DPP8: variants seen among roughly 807,000 people sequenced by gnomAD.
The protein encoded by DPP8 is dipeptidyl peptidase 8.
Under a neutral mutation model 107.5 loss-of-function variants are expected in DPP8, and 31 were observed. The observed-to-expected ratio is 0.29, with a 90% CI of 0.22 to 0.39. DPP8 has a LOEUF of 0.39. Ranked by LOEUF, DPP8 falls within the 10% of genes least tolerant of loss-of-function variation. DPP8 has a pLI of 1.00. For missense variants in DPP8, 842 were observed against 1,076.1 expected (o/e 0.78, Z 3.04); for synonymous variants, 381 against 356.6 (o/e 1.07, Z -0.77).
intron 12 of DPP8, among the ~76,000 whole-genome samples, chr15:65,471,743 C>A (rs1326053341): frequency 6.6e-6 from 1 of 152,144 alleles, no homozygotes; most frequent in Non-Finnish European, 1.5e-5. Context: ...CGACACTGGC[C>A]TCCCAAAGTG....
chr15:65,462,744 TA>T (rs1371593231), intron 15 of DPP8, among the ~76,000 whole-genome samples: 10 of 152,142 alleles, frequency 6.6e-5, no homozygotes, highest in African/African-American at 1.9e-4. Context: ...CACGCCCAGC[TA>T]ATTTTTATAT....
chr15:65,452,487 T>C (rs2064059912), intron 17 of DPP8, among the ~76,000 whole-genome samples: 1 of 152,120 alleles, frequency 6.6e-6, no homozygotes, highest in Non-Finnish European at 1.5e-5. Context: ...AGTATAGAAT[T>C]TAAAACAATA....
At chr15:65,515,985 G>T in intron 1 of DPP8, 1 of 477,344 alleles carries the variant, frequency 2.1e-6, no homozygotes, top group East Asian at 3.2e-5. Context: ...TTATTTCAGA[G>T]ATGTGTAGCC....
chr15:65,503,896 AT>A (rs2069578147), intron 3 of DPP8, among the ~76,000 whole-genome samples: 1 of 152,040 alleles, frequency 6.6e-6, no homozygotes, highest in Admixed American at 6.5e-5. Context: ...AAGTGCTGAG[AT>A]TACAGGCATA....
chr15:65,472,100 T>G (rs957099996), intron 12 of DPP8, among the ~76,000 whole-genome samples: 4 of 152,128 alleles, frequency 2.6e-5, no homozygotes, highest in Admixed American at 1.3e-4. Context: ...CTTTAAAGAA[T>G]TCACTGAATT....
chr15:65,510,114 G>C (rs1315711711), intron 2 of DPP8, among the ~76,000 whole-genome samples: 2 of 152,128 alleles, frequency 1.3e-5, no homozygotes, highest in East Asian at 1.9e-4. Context: ...AGGAGTTCCA[G>C]ATCAGCCTGG....
intron 5 of DPP8, among the ~76,000 whole-genome samples, chr15:65,493,082 T>C (rs610683): frequency 0.88 from 133,951 of 152,022 alleles, 59,813 homozygotes; most frequent in East Asian, 0.95. Context: ...TCTGTTTTCT[T>C]TCTTTCTCTC....
intron 1 of DPP8, among the ~76,000 whole-genome samples, chr15:65,515,215 C>T (rs2071298348): frequency 6.6e-6 from 1 of 152,162 alleles, no homozygotes; most frequent in Non-Finnish European, 1.5e-5. Context: ...AGGTGTGAGT[C>T]ACCGCGCCTG....
At chr15:65,491,795 T>C (rs1346970439) in intron 5 of DPP8, among the ~76,000 whole-genome samples, 1 of 152,110 alleles carries the variant, frequency 6.6e-6, no homozygotes, top group Non-Finnish European at 1.5e-5. Flanking sequence ...TGCAGTGGCG[T>C]GATCTCGGCT....
chr15:65,504,059 G>A (rs116479252), intron 3 of DPP8, among the ~76,000 whole-genome samples: 8,454 of 151,952 alleles, frequency 0.056, 802 homozygotes, highest in African/African-American at 0.19. Context: ...ACTGTGCCTG[G>A]CCCTTTTTAA....
intron 1 of DPP8, chr15:65,512,959 T>C (rs1295796645): frequency 5.7e-6 from 1 of 176,266 alleles, no homozygotes; most frequent in African/African-American, 2.4e-5. Context: ...GGAAGCTAAG[T>C]GTTTTGCATT....
rs1475701002 is a variant in DPP8 at position 65,485,975 on chromosome 15, T to C, written c.956-815A>G. The stretch of plus-strand genomic sequence containing the variant: ...CAGGTGTGGTGGCACACGCCTGTAA[T>C]CCCAGCTACTCAGGGGGCTGAGGCA... On this transcript the variant is annotated intron_variant, in intron 7 of 19. Coordinates refer to ENST00000300141, the MANE Select transcript of DPP8 (RefSeq NM_130434.5). Among the ~76,000 whole-genome samples, 4 of 150,920 alleles carry C rather than the reference T, an allele frequency of 2.7e-5. No homozygotes were observed. The East Asian group carries it at 7.8e-4, about 29-fold the overall frequency.
intron 5 of DPP8, among the ~76,000 whole-genome samples, chr15:65,491,354 T>C (rs1426626520): frequency 2.0e-5 from 3 of 152,134 alleles, no homozygotes; most frequent in Non-Finnish European, 4.4e-5. Context: ...ATTTAAAAAT[T>C]GCTTTATAAT....
chr15:65,446,828 C>T lies in DPP8; in HGVS notation c.*56G>A. 2 of 1,509,726 alleles carry T rather than the reference C, an allele frequency of 1.3e-6. No individual in the cohort carries two copies. Among genetic ancestry groups the T allele is most frequent in the Non-Finnish European group, 1.8e-6 (2 of 1,123,328 alleles). The allele number at this position is 1,509,726 out of a possible 1,614,324, so 93.5% of individuals were successfully genotyped here. A position where few individuals can be genotyped will look rare whatever the true frequency, so the allele number is the denominator to read the frequency against. On this transcript the variant is annotated 3_prime_UTR_variant, in exon 20 of 20. Transcript: ENST00000300141. ...AATTCTGTGTTTTCTGTTGATTAAACCTCCTCATTTGGTTAAATAGCCAGT... is the reference window on the plus strand; with the variant it reads ...AATTCTGTGTTTTCTGTTGATTAAATCTCCTCATTTGGTTAAATAGCCAGT...
rs184631366 is a variant in DPP8, at chr15:65,466,056, C to T, written c.1825+622G>A. On this transcript the variant is annotated intron_variant, in intron 14 of 19. Transcript: ENST00000300141. Reference sequence around the variant, plus strand: ...TCTTACTAGTTCAGAATACTATTCTCCTCAAGTTCATTTGTTTACCTGAGA... The same window carrying T: ...TCTTACTAGTTCAGAATACTATTCTTCTCAAGTTCATTTGTTTACCTGAGA... 3.9e-3 allele frequency among the ~76,000 whole-genome samples: 591 copies of T among 152,312 alleles called. 2 individuals carry two copies. The highest frequency in any genetic ancestry group is 6.3e-3 in the Non-Finnish European group (428 of 68,034).
chr15:65,469,002 T>C (rs1476087454), intron 12 of DPP8, among the ~76,000 whole-genome samples: 1 of 152,078 alleles, frequency 6.6e-6, no homozygotes, highest in East Asian at 1.9e-4. Flanking sequence ...TGAGACCGAG[T>C]TTCGCTCTCG....
Position 65,512,520 on chromosome 15 carries a change from C to T in DPP8, c.34G>A (p.Val12Ile). Residue 12 changes from valine (V) to isoleucine (I), a missense_variant, in exon 2 of 20, where the codon GTT (valine) becomes ATT (isoleucine). By Grantham distance (29) the Val-to-Ile change is conservative. Around this residue, in one of 2 missense-constraint regions of DPP8, gnomAD observed 663 missense variants for 758.0 expected, o/e 0.87. Transcript: ENST00000300141. ...AAAMETEQLG[V>I]EIFETADCEE... The stretch of plus-strand genomic sequence containing the variant: ...CAGTCCGCAGTTTCAAATATCTCAA[C>T]ACCCAGCTGTTCTGTTTCCATTGCT... 6.2e-7 allele frequency: 1 copy of T among 1,614,142 alleles called. No individual in the cohort carries two copies.
In DPP8 at chr15:65,512,331, G is replaced by T; in HGVS notation, c.223C>A (p.Pro75Thr). 6.2e-7 allele frequency: 1 copy of T among 1,613,650 alleles called. No homozygotes were observed. Residue 75 changes from proline (P) to threonine (T), a missense_variant, in exon 2 of 20, where the codon CCA becomes ACA. Physicochemically the swap from Pro to Thr is conservative, Grantham distance 38 (BLOSUM62 -1). This residue lies in a region of DPP8 where 663 missense variants were observed against 758.0 expected (regional missense o/e 0.87). Transcript: ENST00000300141. ...HDFMFVKRNDPDGPHSDRIYY... is the reference protein window; with the variant it reads ...HDFMFVKRNDTDGPHSDRIYY... ...ATTCTGTCTGAATGAGGTCCATCTG[G>T]ATCATTCCTCTTCACAAACATGAAA...
intron 7 of DPP8, 21 bp from the exon 8 acceptor site, chr15:65,485,181 GAT>G: frequency 1.3e-6 from 2 of 1,542,790 alleles, no homozygotes; most frequent in Non-Finnish European, 9.0e-7. Flanking sequence ...AGACATAAAT[GAT>G]AGTAATGTTT....
Sources: gnomAD v4.1 joint callset for allele counts (sites outside exome capture counted in the v4.1 genomes callset) on GRCh38, gnomAD v4.1.1 for gene constraint, gnomAD v4.1.1 regional missense constraint, MANE v1.5 for transcripts, NCBI Gene and HGNC (gene_info 2026-07-23, HGNC 2026-07-21) for gene names.